DLGAP3: variants seen among roughly 807,000 people sequenced by gnomAD.
DLGAP3 encodes the protein DLG associated protein 3.
A neutral mutation model predicts 81.2 loss-of-function variants in DLGAP3; 17 were observed. The observed-to-expected ratio is 0.21, with a 90% CI of 0.14 to 0.31. The LOEUF (loss-of-function observed/expected upper bound fraction) is 0.31. DLGAP3 is among the 10% of genes least tolerant of loss of function. The pLI is 1.00. For missense variants in DLGAP3, 1,124 were observed against 1,388.0 expected (o/e 0.81, Z 3.02); for synonymous variants, 577 against 587.4 (o/e 0.98, Z 0.26).
chr1:34,884,676 C>T (rs572202773), intron 8 of DLGAP3, among the ~76,000 whole-genome samples: 2 of 152,308 alleles, frequency 1.3e-5, no homozygotes, highest in South Asian at 4.1e-4. Context: ...TTGCTGGAGG[C>T]CTGCTCGGCA....
Position 34,865,983 on chromosome 1 carries a change from G to A in DLGAP3, c.*100C>T. 3 of 1,054,142 alleles carry A rather than the reference G, an allele frequency of 2.8e-6. No individual in the cohort carries two copies. The highest frequency in any genetic ancestry group is 2.3e-5 in the Admixed American group (1 of 43,232). The allele number at this position is 1,054,142 out of a possible 1,614,324, so 65.3% of individuals were successfully genotyped here. A position where few individuals can be genotyped will look rare whatever the true frequency, so the allele number is the denominator to read the frequency against. On this transcript the variant is annotated 3_prime_UTR_variant, in exon 12 of 12. Transcript: ENST00000373347. ...CCGGGGCGTCCGGTGCCGGTGGGGC[G>A]GGCGCACGGGGCGGCCCGCGTTCAC...
intron 8 of DLGAP3, among the ~76,000 whole-genome samples, chr1:34,878,933 A>T (rs1459188863): frequency 1.3e-5 from 2 of 151,998 alleles, no homozygotes; most frequent in African/African-American, 2.4e-5. Flanking sequence ...TTAGCCGGGC[A>T]TGGTAGCAGG....
At chr1:34,921,916 T>C (rs935795245) in intron 1 of DLGAP3, among the ~76,000 whole-genome samples, 2 of 152,202 alleles carry the variant, frequency 1.3e-5, no homozygotes, top group African/African-American at 4.8e-5. Context: ...AGTGCACCTA[T>C]GTTGATATAT....
Position 34,900,063 on chromosome 1 carries a change from C to T in DLGAP3, c.1313+5G>A. 2 of 1,612,472 alleles carry T rather than the reference C, an allele frequency of 1.2e-6. No individual in the cohort carries two copies. Among genetic ancestry groups the T allele is most frequent in the Non-Finnish European group, 1.7e-6 (2 of 1,179,890 alleles). On this transcript the variant is annotated splice_donor_5th_base_variant and intron_variant, in intron 4 of 11. Coordinates refer to ENST00000373347, the MANE Select transcript of DLGAP3 (RefSeq NM_001080418.3). This position sits in a 1 kb window ranked among gnomAD's most constrained non-coding sequence, Gnocchi z 5.6. ...CCCGCACCCCCCGGCCCTCCCTGTC[C>T]TTACTTGATCCTGGCCTGGTCCACG... is the stretch of plus-strand genomic sequence containing the variant.
intron 1 of DLGAP3, among the ~76,000 whole-genome samples, chr1:34,924,966 C>A (rs939130194): frequency 6.6e-6 from 1 of 152,214 alleles, no homozygotes; most frequent in Non-Finnish European, 1.5e-5. Flanking sequence ...CCGAACGAAG[C>A]CTCATTCAGC....
chr1:34,870,316 G>A (rs1638960475), intron 8 of DLGAP3, among the ~76,000 whole-genome samples: 1 of 152,100 alleles, frequency 6.6e-6, no homozygotes, highest in South Asian at 2.1e-4. Context: ...TGGGAGGTGG[G>A]GGATAAACAG....
intron 8 of DLGAP3, among the ~76,000 whole-genome samples, chr1:34,880,305 C>G (rs1639126174): frequency 1.3e-5 from 2 of 152,092 alleles, no homozygotes; most frequent in South Asian, 4.1e-4. Context: ...CCCACCTCAG[C>G]CTCCCAAAGT....
chr1:34,913,173 G>A (rs1043866849), intron 1 of DLGAP3, among the ~76,000 whole-genome samples: 11 of 152,310 alleles, frequency 7.2e-5, no homozygotes, highest in South Asian at 2.1e-4. Context: ...AAGGCTTGCC[G>A]TTTTATTCAT....
At chr1:34,875,182 C>T (rs1208239838) in intron 8 of DLGAP3, among the ~76,000 whole-genome samples, 1 of 152,152 alleles carries the variant, frequency 6.6e-6, no homozygotes, top group East Asian at 1.9e-4. Context: ...CTTTCCCAGG[C>T]CTCAAGGGGC....
At chr1:34,926,674 C>A (rs1019405515) in intron 1 of DLGAP3, among the ~76,000 whole-genome samples, 1 of 152,122 alleles carries the variant, frequency 6.6e-6, no homozygotes, top group Middle Eastern at 3.2e-3. Flanking sequence ...CCTTCATCAC[C>A]TCACCCCCAA....
At chr1:34,901,735 G>C (rs986862882) in intron 3 of DLGAP3, among the ~76,000 whole-genome samples, 6 of 152,198 alleles carry the variant, frequency 3.9e-5, no homozygotes, top group Non-Finnish European at 7.4e-5. Flanking sequence ...TCAATGACAG[G>C]GAGTTTGGAA....
chr1:34,897,430 G>A (rs1400096205), intron 5 of DLGAP3, among the ~76,000 whole-genome samples: 3 of 152,274 alleles, frequency 2.0e-5, no homozygotes, highest in African/African-American at 7.2e-5. Context: ...TGATCCATGG[G>A]AGTGGCTGGG....
rs1395900885 is a variant in DLGAP3, at chr1:34,873,043, C to G, written c.2001-3954G>C. 6.6e-6 allele frequency among the ~76,000 whole-genome samples: 1 copy of G among 152,232 alleles called. No individual in the cohort carries two copies. The highest frequency in any genetic ancestry group is 1.5e-5 in the Non-Finnish European group (1 of 68,048). ...GATGGATAAAAAAGAATAACATCTT[C>G]TAAGCACTTAGTATGTGCCAGGAGA... On this transcript the variant is annotated intron_variant, in intron 8 of 11. Transcript: ENST00000373347. This position sits in a 1 kb window ranked among gnomAD's most constrained non-coding sequence, Gnocchi z 4.2.
At chr1:34,912,796 T>G (rs1639657374) in intron 1 of DLGAP3, among the ~76,000 whole-genome samples, 1 of 152,220 alleles carries the variant, frequency 6.6e-6, no homozygotes, top group Non-Finnish European at 1.5e-5. Flanking sequence ...CCCTTCACAC[T>G]GGGAGCCCTA....
At chr1:34,915,406 T>C (rs1449230768) in intron 1 of DLGAP3, among the ~76,000 whole-genome samples, 1 of 152,132 alleles carries the variant, frequency 6.6e-6, no homozygotes, top group Non-Finnish European at 1.5e-5. Context: ...GAATAGCAGG[T>C]AGGAGCCCAA....
rs75375956 is a variant in DLGAP3 at position 34,914,318 on chromosome 1, T to C, written c.-134-6881A>G. On this transcript the variant is annotated intron_variant, in intron 1 of 11. Coordinates refer to ENST00000373347, the MANE Select transcript of DLGAP3 (RefSeq NM_001080418.3). ...GCCTTTTCTCAGCTATCTCTTCCTT[T>C]TCTGTCAACTGAACCAATTCTTAGG... is the stretch of plus-strand genomic sequence containing the variant. Among the ~76,000 whole-genome samples the C allele has an allele frequency of 1.0e-3, 157 of 152,330 alleles. No homozygotes were observed. In the East Asian group the frequency reaches 0.029, roughly 28 times the overall value.
intron 1 of DLGAP3, among the ~76,000 whole-genome samples, chr1:34,928,285 C>T (rs953967833): frequency 2.6e-5 from 4 of 152,110 alleles, no homozygotes; most frequent in Non-Finnish European, 2.9e-5. Flanking sequence ...ACAGGGCAGA[C>T]GCTTCCACCT....
intron 8 of DLGAP3, among the ~76,000 whole-genome samples, chr1:34,878,750 C>T (rs1639098289): frequency 1.3e-5 from 2 of 152,128 alleles, no homozygotes; most frequent in Admixed American, 1.3e-4. Flanking sequence ...TTTTTGGCAC[C>T]AGGGACTAGT....
chr1:34,928,540 C>CT (rs1639907940), intron 1 of DLGAP3, among the ~76,000 whole-genome samples: 1 of 152,122 alleles, frequency 6.6e-6, no homozygotes, highest in Non-Finnish European at 1.5e-5. Flanking sequence ...AAGCTCTTGC[C>CT]TGAATCAAGG....
Sources: gnomAD v4.1 joint callset for allele counts (sites outside exome capture counted in the v4.1 genomes callset) on GRCh38, gnomAD v4.1.1 for gene constraint, Gnocchi (gnomAD v3.1) non-coding constraint, MANE v1.5 for transcripts, NCBI Gene and HGNC (gene_info 2026-07-23, HGNC 2026-07-21) for gene names.